The following SLC14A2 variants were observed in gnomAD, a reference collection of about 807,000 sequenced individuals.
The protein encoded by SLC14A2 is urea transporter 2.
SLC14A2 carries 91 observed loss-of-function variants against 104.6 expected under a neutral mutation model. The observed-to-expected ratio is 0.87, with a 90% CI of 0.73 to 1.04. The LOEUF (loss-of-function observed/expected upper bound fraction) is 1.04. Among genes scored for constraint, SLC14A2 ranks in the 50% least tolerant of loss-of-function variants. The pLI is 0.00. For synonymous variants in SLC14A2, 476 were observed against 466.4 expected, an observed-to-expected ratio of 1.02 and a Z score of -0.27; for missense variants, 1,189 against 1,156.0, an observed-to-expected ratio of 1.03 and a Z score of -0.41.
intron 5 of SLC14A2, 83 bp downstream of exon 5, chr18:45,632,561 A>T: frequency 6.7e-7 from 1 of 1,489,372 alleles, no homozygotes; most frequent in Admixed American, 2.0e-5. Context: ...GACAGGACAT[A>T]CACATGTGGG....
intron 2 of SLC14A2, among the ~76,000 whole-genome samples, chr18:45,523,579 C>G (rs148515666): frequency 0.024 from 3,607 of 151,392 alleles, 227 homozygotes; most frequent in Admixed American, 0.13. Flanking sequence ...TCGTGATCAG[C>G]CTGCCTTGGC....
At chr18:45,213,268 G>T (rs989937171) in intron 1 of SLC14A2, 2 of 151,990 alleles carry the variant, frequency 1.3e-5, no homozygotes, top group African/African-American at 4.8e-5. Context: ...TAATTATATG[G>T]CTTTCTGAAT....
chr18:45,327,559 T>G (rs1208816157), intron 1 of SLC14A2, among the ~76,000 whole-genome samples: 2 of 152,208 alleles, frequency 1.3e-5, no homozygotes, highest in Non-Finnish European at 2.9e-5. Flanking sequence ...TTACAGTCCC[T>G]GGTACCCTCT....
intron 1 of SLC14A2, among the ~76,000 whole-genome samples, chr18:45,328,270 T>G (rs1178225673): frequency 6.6e-6 from 1 of 152,172 alleles, no homozygotes; most frequent in Non-Finnish European, 1.5e-5. Context: ...GGAAGTGTGG[T>G]CCTGGAGTCC....
intron 1 of SLC14A2, among the ~76,000 whole-genome samples, chr18:45,374,482 A>C (rs1251905051): frequency 6.6e-6 from 1 of 152,166 alleles, no homozygotes; most frequent in Non-Finnish European, 1.5e-5. Flanking sequence ...GTTCCAGTTA[A>C]ATATCTGGAG....
At chr18:45,608,562 T>C (rs1467508725) in intron 2 of SLC14A2, among the ~76,000 whole-genome samples, 2 of 152,232 alleles carry the variant, frequency 1.3e-5, no homozygotes, top group East Asian at 3.9e-4. Context: ...AAACATATCT[T>C]CAGAGATTTC....
intron 1 of SLC14A2, among the ~76,000 whole-genome samples, chr18:45,379,471 T>G (rs2085810331): frequency 6.6e-6 from 1 of 152,178 alleles, no homozygotes. Flanking sequence ...CCCCATTCCC[T>G]TAACCATTCC....
rs1568306092 is a variant in SLC14A2 at position 45,632,142 on chromosome 18, TGTTTGTG to T, written c.522-207_522-201del. On this transcript the variant is annotated intron_variant, in intron 4 of 19. Coordinates refer to ENST00000255226, the MANE Select transcript of SLC14A2 (RefSeq NM_007163.4). Reference sequence around the variant, plus strand: ...AGCAAGACAAGGGTGTGTGTGTGTGTGTTTGTGTGTGTGTGTGTGTGTGTGTGTTATC... The same window carrying T: ...AGCAAGACAAGGGTGTGTGTGTGTGTTGTGTGTGTGTGTGTGTGTGTTATC... Among the ~76,000 whole-genome samples, 537 of 116,402 alleles carry T rather than the reference TGTTTGTG, an allele frequency of 4.6e-3. 4 individuals carry two copies. The highest frequency in any genetic ancestry group is 7.0e-3 in the Non-Finnish European group (355 of 50,550). The allele number at this position is 116,402 out of a possible 152,430, so 76.4% of individuals were successfully genotyped here. A position where few individuals can be genotyped will look rare whatever the true frequency, so the allele number is the denominator to read the frequency against.
rs1599152782 is a variant in SLC14A2, at chr18:45,668,428, G to GACT, written c.1994_1996dup (p.Tyr665dup). ...GATGGCCGTGTTCTCAGACAAAGGT[G>GACT]ACTACTACTGGTGGCTGTTGCTACC... On this transcript the variant is annotated inframe_insertion, in exon 15 of 20. Transcript: ENST00000255226. The GACT allele has an allele frequency of 1.2e-6, 2 of 1,614,178 alleles. No individual in the cohort carries two copies. The highest frequency in any genetic ancestry group is 1.7e-6 in the Non-Finnish European group (2 of 1,180,026).
chr18:45,222,854 A>G (rs1416490991), intron 1 of SLC14A2, among the ~76,000 whole-genome samples: 1 of 152,154 alleles, frequency 6.6e-6, no homozygotes, highest in African/African-American at 2.4e-5. Flanking sequence ...GGGCTTGGAT[A>G]GTGTAAGATG....
chr18:45,181,171 C>T, the SLC14A2 span: 1 of 152,550 alleles, frequency 6.6e-6, no homozygotes, highest in African/African-American at 2.4e-5. Flanking sequence ...CTCATCTCCT[C>T]TCCTCCACAG....
At chr18:45,464,802 G>A (rs2087109876) in intron 1 of SLC14A2, among the ~76,000 whole-genome samples, 1 of 152,186 alleles carries the variant, frequency 6.6e-6, no homozygotes. Context: ...GGAGGAGCAG[G>A]CCCTGAGCCG....
At chr18:45,201,104 G>A in the SLC14A2 span, among the ~76,000 whole-genome samples, 1 of 151,992 alleles carries the variant, frequency 6.6e-6, no homozygotes, top group Admixed American at 6.6e-5. Flanking sequence ...TTTTAATTCT[G>A]AGTAGAGTGG....
chr18:45,483,531 A>C (rs1443523376), intron 2 of SLC14A2: 1 of 152,192 alleles, frequency 6.6e-6, no homozygotes, highest in Non-Finnish European at 1.5e-5. Context: ...TGGTAACAAT[A>C]ATCACATGCT....
At chr18:45,675,855 C>T (rs1466314312) in intron 18 of SLC14A2, among the ~76,000 whole-genome samples, 1 of 151,288 alleles carries the variant, frequency 6.6e-6, no homozygotes, top group Non-Finnish European at 1.5e-5. Flanking sequence ...ATCTAGAAAA[C>T]CTGGAACACG....
At chr18:45,444,825 G>C (rs1438551134) in intron 1 of SLC14A2, among the ~76,000 whole-genome samples, 1 of 152,190 alleles carries the variant, frequency 6.6e-6, no homozygotes, top group Non-Finnish European at 1.5e-5. Context: ...GCCTATGAGA[G>C]GTGGAGAAAG....
chr18:45,194,043 T>C, the SLC14A2 span, among the ~76,000 whole-genome samples: 1 of 152,222 alleles, frequency 6.6e-6, no homozygotes, highest in East Asian at 1.9e-4. Context: ...TTGATTTCTG[T>C]ATATTGATTT....
chr18:45,172,818 C>A, the SLC14A2 span, among the ~76,000 whole-genome samples: 1 of 152,114 alleles, frequency 6.6e-6, no homozygotes, highest in South Asian at 2.1e-4. Context: ...ATTGGAATTG[C>A]ATCCCCAACA....
chr18:45,625,647 T>G (rs1296448109), intron 2 of SLC14A2, 36 bp from the exon 3 acceptor site: 1 of 1,493,514 alleles, frequency 6.7e-7, no homozygotes, highest in East Asian at 2.6e-5. Flanking sequence ...CTCAGAAAGC[T>G]GTATCATTTG....
Sources: allele counts gnomAD v4.1 joint callset (sites outside exome capture counted in the v4.1 genomes callset), GRCh38; gene constraint gnomAD v4.1.1; transcripts MANE v1.5; gene names NCBI Gene and HGNC (gene_info 2026-07-23, HGNC 2026-07-21).